The following LY96 variants were observed in gnomAD, a reference collection of about 807,000 sequenced individuals.
LY96 encodes the protein lymphocyte antigen 96, also known as myeloid differentiation protein-2.
A neutral mutation model predicts 18.9 loss-of-function variants in LY96; 18 were observed. That is an observed-to-expected ratio of 0.95 (90% confidence interval 0.66 to 1.41). The LOEUF (loss-of-function observed/expected upper bound fraction) is 1.41. Ranked by LOEUF, LY96 falls within the 40% of genes most tolerant of loss-of-function variation. LY96 has a pLI of 0.00. For synonymous variants in LY96, 66 were observed against 62.6 expected (o/e 1.06, Z -0.26); for missense variants, 175 against 182.4 (o/e 0.96, Z 0.23).
the LY96 span, among the ~76,000 whole-genome samples, chr8:74,083,038 C>T: frequency 2.0e-5 from 3 of 152,088 alleles, no homozygotes; most frequent in Non-Finnish European, 4.4e-5. Context: ...GGTAGTGTGT[C>T]CTGAACCCAT....
At position 74,010,106 on chromosome 8, in the gene LY96, CT is replaced by C; in HGVS notation, c.313del (p.Cys105AlafsTer4). On this transcript the variant is annotated frameshift_variant, in exon 3 of 5. Coordinates refer to ENST00000284818, the MANE Select transcript of LY96 (RefSeq NM_015364.5). LOFTEE classifies it high-confidence loss of function. ...VICRGSDDDY[S>X]FCRALKGETV... is the part of the protein sequence containing the mutation. ...TGCCGAGGATCTGATGACGATTACT[CT>C]TTTTGCAGAGCTCTGAAGGGAGGTA... 1 of 1,613,262 alleles carries C rather than the reference CT, an allele frequency of 6.2e-7. No homozygotes were observed. Among genetic ancestry groups the C allele is most frequent in the Non-Finnish European group, 8.5e-7 (1 of 1,179,436 alleles).
chr8:74,017,707 C>A (rs1482826483), intron 3 of LY96, among the ~76,000 whole-genome samples: 1 of 152,188 alleles, frequency 6.6e-6, no homozygotes, highest in Non-Finnish European at 1.5e-5. Context: ...GATCTCTTGG[C>A]AGAAACTCTA....
At chr8:74,036,260 T>C in the LY96 span, among the ~76,000 whole-genome samples, 6 of 152,188 alleles carry the variant, frequency 3.9e-5, no homozygotes, top group African/African-American at 1.4e-4. Context: ...GTCCACAAGA[T>C]TAGAATTATG....
chr8:74,096,967 G>T, the LY96 span, among the ~76,000 whole-genome samples: 1 of 152,194 alleles, frequency 6.6e-6, no homozygotes, highest in African/African-American at 2.4e-5. Flanking sequence ...TCCTGCTGTT[G>T]CAGGGATGAC....
chr8:74,009,374 CAAAAAAAA>C (rs370593442), intron 2 of LY96, among the ~76,000 whole-genome samples: 3 of 58,818 alleles, frequency 5.1e-5, no homozygotes, highest in East Asian at 1.3e-3. Context: ...CAGTCTTTCT[CAAAAAAAA>C]AAAAAAAAAA....
chr8:74,092,222 G>T, the LY96 span, among the ~76,000 whole-genome samples: 1 of 152,142 alleles, frequency 6.6e-6, no homozygotes, highest in African/African-American at 2.4e-5. Context: ...GAAGATGGTG[G>T]GGGAAGCACC....
the LY96 span, among the ~76,000 whole-genome samples, chr8:74,080,988 T>TTCTC: frequency 2.2e-5 from 1 of 45,392 alleles, no homozygotes; most frequent in South Asian, 8.8e-4. Flanking sequence ...TTCTCTCTCT[T>TTCTC]TCTTTCTTTC....
chr8:74,090,829 T>C, the LY96 span, among the ~76,000 whole-genome samples: 1 of 152,234 alleles, frequency 6.6e-6, no homozygotes. Context: ...GAAACTAACA[T>C]TTGAAAATGT....
At chr8:74,015,350 C>T (rs185679088) in intron 3 of LY96, among the ~76,000 whole-genome samples, 207 of 152,272 alleles carry the variant, frequency 1.4e-3, no homozygotes, top group Non-Finnish European at 2.3e-3. Context: ...ACCAAGATAA[C>T]GAGGCCATGC....
intron 2 of LY96, among the ~76,000 whole-genome samples, chr8:74,008,905 T>C (rs111614245): frequency 8.5e-5 from 13 of 152,186 alleles, no homozygotes; most frequent in African/African-American, 2.9e-4. Context: ...GGAGGACACC[T>C]GGAAGGGAGT....
At chr8:74,094,247 G>T in the LY96 span, among the ~76,000 whole-genome samples, 1 of 150,350 alleles carries the variant, frequency 6.7e-6, no homozygotes, top group Non-Finnish European at 1.5e-5. Context: ...GAGGTAGTGG[G>T]TGTGTGTATG....
the LY96 span, among the ~76,000 whole-genome samples, chr8:74,061,363 T>G: frequency 3.3e-5 from 5 of 152,238 alleles, no homozygotes; most frequent in Non-Finnish European, 7.3e-5. Flanking sequence ...GATGACTGTC[T>G]GCTTTGCAGA....
chr8:74,046,886 C>CCATTCT, the LY96 span, among the ~76,000 whole-genome samples: 1 of 150,030 alleles, frequency 6.7e-6, no homozygotes, highest in Non-Finnish European at 1.5e-5. Flanking sequence ...CCTGACCCAT[C>CCATTCT]CATTCTCATT....
the LY96 span, among the ~76,000 whole-genome samples, chr8:74,062,612 A>T: frequency 1.3e-5 from 2 of 152,076 alleles, no homozygotes; most frequent in African/African-American, 4.8e-5. Flanking sequence ...TCCATGGTGT[A>T]TATGTACCAC....
downstream of LY96, among the ~76,000 whole-genome samples, chr8:74,032,524 C>T (rs1004236254): frequency 2.6e-5 from 4 of 152,194 alleles, no homozygotes; most frequent in African/African-American, 4.8e-5. Context: ...CAATCGATCA[C>T]GACCCTCTTA....
chr8:74,054,632 CTTT>C, the LY96 span, among the ~76,000 whole-genome samples: 2 of 105,660 alleles, frequency 1.9e-5, no homozygotes, highest in Non-Finnish European at 3.5e-5. Flanking sequence ...TTCTTTCTTT[CTTT>C]CTTTCTTTCT....
the LY96 span, among the ~76,000 whole-genome samples, chr8:74,071,741 C>A: frequency 2.0e-5 from 3 of 152,100 alleles, no homozygotes; most frequent in African/African-American, 7.2e-5. Flanking sequence ...TATTGCTCAC[C>A]TTTGCTTGTT....
At chr8:74,007,139 G>A (rs1037896170) in intron 2 of LY96, among the ~76,000 whole-genome samples, 1 of 152,232 alleles carries the variant, frequency 6.6e-6, no homozygotes, top group Non-Finnish European at 1.5e-5. Flanking sequence ...TGTTGTAAGA[G>A]ACCCATGACA....
At chr8:74,081,052 C>CTTTCTT in the LY96 span, among the ~76,000 whole-genome samples, 9 of 90,426 alleles carry the variant, frequency 1.0e-4, no homozygotes, top group Non-Finnish European at 2.0e-4. Context: ...CTTTCTTTTT[C>CTTTCTT]TTTCTTTCTT....
Sources: allele counts gnomAD v4.1 joint callset (sites outside exome capture counted in the v4.1 genomes callset), GRCh38; gene constraint gnomAD v4.1.1; transcripts MANE v1.5; gene names NCBI Gene and HGNC (gene_info 2026-07-23, HGNC 2026-07-21).